PPP1R10: variants seen among roughly 807,000 people sequenced by gnomAD.
The protein encoded by PPP1R10 is serine/threonine-protein phosphatase 1 regulatory subunit 10.
A neutral mutation model predicts 99.0 loss-of-function variants in PPP1R10; 15 were observed. The ratio of observed to expected loss-of-function variants is 0.15; its 90% CI spans 0.10 to 0.23. PPP1R10 has a LOEUF of 0.23. PPP1R10 is among the 10% of genes least tolerant of loss of function. PPP1R10 has a pLI of 1.00. For missense variants in PPP1R10, 947 were observed against 1,259.4 expected (o/e 0.75, Z 3.75); for synonymous variants, 430 against 449.5 (o/e 0.96, Z 0.55).
In PPP1R10 at chr6:30,604,576, T is replaced by C. The variant is rs777404494; in HGVS notation, c.1102+12A>G. 18 of 1,612,834 alleles carry C rather than the reference T, an allele frequency of 1.1e-5. No homozygotes were observed. In the South Asian group the frequency reaches 2.0e-4, roughly 18 times the overall value. ...CAGAAAACCCCCCAAACTGAACCAG[T>C]TTCTAGATTACCTGTATCCATGAGC... On this transcript the variant is annotated intron_variant, in intron 12 of 19. Transcript: ENST00000376511. The surrounding 1 kb of genome is among the most constrained non-coding windows in gnomAD (Gnocchi z 7.3).
intron 6 of PPP1R10, among the ~76,000 whole-genome samples, chr6:30,607,445 T>A (rs913716360): frequency 2.0e-5 from 3 of 152,248 alleles, no homozygotes. Context: ...CTCTGATCTA[T>A]GGCACCTCTC....
In PPP1R10 at chr6:30,601,731, A is replaced by G. The variant is rs1803337463; in HGVS notation, c.2714-73T>C. The G allele has an allele frequency of 1.1e-5, 16 of 1,433,130 alleles. No individual in the cohort carries two copies. In the East Asian group the frequency reaches 3.5e-4, roughly 31 times the overall value. 88.8% of individuals were successfully genotyped at this position (1,433,130 alleles called of 1,614,324 possible). A position where few individuals can be genotyped will look rare whatever the true frequency, so the allele number is the denominator to read the frequency against. On this transcript the variant is annotated intron_variant, in intron 19 of 19. Coordinates refer to ENST00000376511, the MANE Select transcript of PPP1R10 (RefSeq NM_002714.4). ...ATGCCACCCTCACCACCCCTTGTCC[A>G]TGACATCCTGAGAACTGTCTTTCAG...
chr6:30,606,419 G>C lies in PPP1R10; in HGVS notation c.634+49C>G. The stretch of plus-strand genomic sequence containing the variant: ...TCAAATGATTCCCCCATAAGGCTCT[G>C]GGTGTGCACATGCCCATGAACCCTC... On this transcript the variant is annotated intron_variant, in intron 8 of 19. Coordinates refer to ENST00000376511, the MANE Select transcript of PPP1R10 (RefSeq NM_002714.4). The surrounding 1 kb of genome is among the most constrained non-coding windows in gnomAD (Gnocchi z 6.3). The C allele has an allele frequency of 6.2e-7, 1 of 1,603,502 alleles. No individual in the cohort carries two copies. Among genetic ancestry groups the C allele is most frequent in the South Asian group, 1.1e-5 (1 of 90,566 alleles).
chr6:30,604,334 G>A lies in PPP1R10; in HGVS notation c.1261+19C>T, dbSNP rs772607514. On this transcript the variant is annotated intron_variant, in intron 13 of 19. Coordinates refer to ENST00000376511, the MANE Select transcript of PPP1R10 (RefSeq NM_002714.4). The surrounding 1 kb of genome is among the most constrained non-coding windows in gnomAD (Gnocchi z 7.3). ...AAAATCCCTTAAACACACCTATTAC[G>A]TAGGAAATGACCTCTTACCTCGTTC... 11 of 1,614,092 alleles carry A rather than the reference G, an allele frequency of 6.8e-6. No individual in the cohort carries two copies. The highest frequency in any genetic ancestry group is 2.2e-5 in the East Asian group (1 of 44,886).
intron 2 of PPP1R10, among the ~76,000 whole-genome samples, chr6:30,611,126 T>G (rs1033718213): frequency 6.6e-6 from 1 of 152,116 alleles, no homozygotes; most frequent in African/African-American, 2.4e-5. Flanking sequence ...CTTGGCAACA[T>G]GGCGAAACCT....
intron 14 of PPP1R10, 68 bp downstream of exon 14, chr6:30,603,940 C>G: frequency 1.3e-6 from 2 of 1,524,928 alleles, no homozygotes; most frequent in South Asian, 1.3e-5. Context: ...CGTAATTACC[C>G]CAGCTCATGT....
chr6:30,616,304 A>G (rs902909760), intron 2 of PPP1R10, among the ~76,000 whole-genome samples, 174 bp downstream of exon 2: 6 of 152,204 alleles, frequency 3.9e-5, no homozygotes, highest in Non-Finnish European at 2.9e-5. Context: ...GAGAGAGAAC[A>G]AGACTGTTTA....
chr6:30,601,450 G>A lies in PPP1R10; in HGVS notation c.*99C>T. 4 of 1,049,362 alleles carry A rather than the reference G, an allele frequency of 3.8e-6. No homozygotes were observed. Among genetic ancestry groups the A allele is most frequent in the South Asian group, 1.5e-5 (1 of 67,872 alleles). 65.0% of individuals were successfully genotyped at this position (1,049,362 alleles called of 1,614,324 possible). A position where few individuals can be genotyped will look rare whatever the true frequency, so the allele number is the denominator to read the frequency against. On this transcript the variant is annotated 3_prime_UTR_variant, in exon 20 of 20. Transcript: ENST00000376511. The stretch of plus-strand genomic sequence containing the variant: ...TGAGGGGGCCGGCTCCTCATCAGCT[G>A]GGGAAAAGGGAAAATGGGCCTCACA...
rs761718825 is a variant in PPP1R10 at position 30,604,164 on chromosome 6, C to T, written c.1352G>A (p.Ser451Asn). The change falls in exon 14 of 20, where the codon AGC becomes AAC. Residue 451 changes from serine to asparagine, a missense_variant. This residue lies in a region of PPP1R10 where 50 missense variants were observed against 78.6 expected (regional missense o/e 0.64). Coordinates refer to ENST00000376511, the MANE Select transcript of PPP1R10 (RefSeq NM_002714.4). This position sits in a 1 kb window ranked among gnomAD's most constrained non-coding sequence, Gnocchi z 7.3. Reference protein sequence around the residue: ...RHAFETARRLSHDNMEEKVPW... With the variant: ...RHAFETARRLNHDNMEEKVPW... Reference sequence around the variant, plus strand: ...CACCTTCTCCTCCATGTTATCATGGCTCAGACGCCGCGCTGTCTCAAATGC... The same window carrying T: ...CACCTTCTCCTCCATGTTATCATGGTTCAGACGCCGCGCTGTCTCAAATGC... 2.5e-6 allele frequency: 4 copies of T among 1,614,166 alleles called. No individual in the cohort carries two copies. The Admixed American group carries it at 6.7e-5, about 27-fold the overall frequency.
chr6:30,602,035 G>A lies in PPP1R10; in HGVS notation c.2614C>T (p.His872Tyr), dbSNP rs757400476. 1 of 1,543,522 alleles carries A rather than the reference G, an allele frequency of 6.5e-7. No homozygotes were observed. Among genetic ancestry groups the A allele is most frequent in the Non-Finnish European group, 8.8e-7 (1 of 1,141,890 alleles). ...HDVPGHRGHDHRGPPPHEHRG... is the reference protein window; with the variant it reads ...HDVPGHRGHDYRGPPPHEHRG... ...TGCTCATGAGGTGGCGGCCCTCGAT[G>A]GTCATGGCCTCGGTGACCAGGGACA... Residue 872 changes from histidine (H) to tyrosine (Y), a missense_variant, in exon 19 of 20, where the codon CAT (histidine) becomes TAT (tyrosine). His to Tyr is a moderately conservative substitution (Grantham distance 83). Transcript: ENST00000376511. The surrounding 1 kb of genome is among the most constrained non-coding windows in gnomAD (Gnocchi z 6.7).
Position 30,606,082 on chromosome 6 carries a change from T to C in PPP1R10, c.741-47A>G, listed in dbSNP as rs1464327068. The C allele has an allele frequency of 1.9e-6, 3 of 1,612,512 alleles. No individual in the cohort carries two copies. The highest frequency in any genetic ancestry group is 2.5e-6 in the Non-Finnish European group (3 of 1,178,714). On this transcript the variant is annotated intron_variant, in intron 9 of 19. Transcript: ENST00000376511. This position sits in a 1 kb window ranked among gnomAD's most constrained non-coding sequence, Gnocchi z 6.3. ...TCAACATCTCCGACTCACCCCCTCC[T>C]GCTCCCTTGTGTCCACAGATCCACC...
Position 30,604,590 on chromosome 6 carries a change from G to A in PPP1R10, c.1100C>T (p.Thr367Ile). Residue 367 changes from threonine to isoleucine, a missense_variant and splice_region_variant, in exon 12 of 20, where the codon ACA (threonine) becomes ATA (isoleucine). This residue lies in a region of PPP1R10 where 100 missense variants were observed against 105.8 expected (regional missense o/e 0.94). Transcript: ENST00000376511. The surrounding 1 kb of genome is among the most constrained non-coding windows in gnomAD (Gnocchi z 7.3). ...AACTGAACCAGTTTCTAGATTACCT[G>A]TATCCATGAGCTCCGGGACTTCAAC... ...PPVEVPELMD[T>I]ASLEPGALDA... 1 of 1,613,006 alleles carries A rather than the reference G, an allele frequency of 6.2e-7. No homozygotes were observed.
In PPP1R10 at chr6:30,606,135, T is replaced by C. The variant is rs1292397634; in HGVS notation, c.740+3A>G. On this transcript the variant is annotated splice_donor_region_variant and intron_variant, in intron 9 of 19. Transcript: ENST00000376511. This position sits in a 1 kb window ranked among gnomAD's most constrained non-coding sequence, Gnocchi z 6.3. ...ATTCAGAGCCTGAGAATATGGTCCATACCTCTGACGTTTGAGGGGGATGGG... is the reference window on the plus strand; with the variant it reads ...ATTCAGAGCCTGAGAATATGGTCCACACCTCTGACGTTTGAGGGGGATGGG... 1.9e-6 allele frequency: 3 copies of C among 1,613,886 alleles called. No homozygotes were observed. Among genetic ancestry groups the C allele is most frequent in the Non-Finnish European group, 1.7e-6 (2 of 1,179,882 alleles).
chr6:30,603,123 ATTC>A (rs1803545913), intron 17 of PPP1R10, 84 bp downstream of exon 17: 5 of 1,490,000 alleles, frequency 3.4e-6, no homozygotes, highest in Non-Finnish European at 4.7e-6. Context: ...ACAGCCCTGT[ATTC>A]TTCTGCATCT....
chr6:30,602,081 G>A lies in PPP1R10; in HGVS notation c.2568C>T (p.Pro856=), dbSNP rs1406455502. ...RPHEGPGHGG[P]HGHRPHDVPG... is the part of the protein sequence containing the mutation. Reference sequence around the variant, plus strand: ...GGACATCATGAGGCCGGTGGCCATGGGGCCCCCCGTGTCCAGGGCCTTCAT... The same window carrying A: ...GGACATCATGAGGCCGGTGGCCATGAGGCCCCCCGTGTCCAGGGCCTTCAT... Residue 856 remains proline (P), a synonymous_variant, in exon 19 of 20, where the codon CCC becomes CCT. Coordinates refer to ENST00000376511, the MANE Select transcript of PPP1R10 (RefSeq NM_002714.4). This position sits in a 1 kb window ranked among gnomAD's most constrained non-coding sequence, Gnocchi z 6.7. 6.3e-7 allele frequency: 1 copy of A among 1,578,152 alleles called. No individual in the cohort carries two copies. The highest frequency in any genetic ancestry group is 8.6e-7 in the Non-Finnish European group (1 of 1,159,296).
chr6:30,608,019 C>CAAA, intron 5 of PPP1R10, 128 bp from the exon 6 acceptor site: 1 of 945,536 alleles, frequency 1.1e-6, no homozygotes, highest in Non-Finnish European at 1.6e-6. Flanking sequence ...GACGGAGTCT[C>CAAA]ACTCTGTTGC....
chr6:30,605,796 C>T (rs965276921), intron 10 of PPP1R10, 127 bp downstream of exon 10: 2 of 900,442 alleles, frequency 2.2e-6, no homozygotes, highest in African/African-American at 3.4e-5. Context: ...GGAGGCGGAG[C>T]TTGCAGTGAG....
intron 2 of PPP1R10, chr6:30,614,621 C>G (rs1291673076): frequency 6.6e-6 from 1 of 152,198 alleles, no homozygotes; most frequent in African/African-American, 2.4e-5. Context: ...AAATGGCACA[C>G]TTCAGTGTCA....
rs1184522196 is a variant in PPP1R10, at chr6:30,616,808, G to C, written c.-342C>G. ...ACGGTCCTTCGGCCACAGATTTCAA[G>C]TCCCAAGCAGCGTGGGCTGGTGGGG... On this transcript the variant is annotated 5_prime_UTR_variant, in exon 2 of 20. Transcript: ENST00000376511. 1 of 152,226 alleles carries C rather than the reference G, an allele frequency of 6.6e-6. No individual in the cohort carries two copies. Among genetic ancestry groups the C allele is most frequent in the Non-Finnish European group, 1.5e-5 (1 of 68,038 alleles). 9.4% of individuals were successfully genotyped at this position (152,226 alleles called of 1,614,324 possible).
Sources: gnomAD v4.1 joint callset for allele counts (sites outside exome capture counted in the v4.1 genomes callset) on GRCh38, gnomAD v4.1.1 for gene constraint, gnomAD v4.1.1 regional missense constraint, Gnocchi (gnomAD v3.1) non-coding constraint, MANE v1.5 for transcripts, NCBI Gene and HGNC (gene_info 2026-07-23, HGNC 2026-07-21) for gene names.